The following MYO18B variants were observed in gnomAD, a reference collection of about 807,000 sequenced individuals.
The protein encoded by MYO18B is unconventional myosin-XVIIIb.
In MYO18B, 204 loss-of-function variants were observed where a neutral mutation model predicts 273.0. That is an observed-to-expected ratio of 0.75 (90% CI 0.67 to 0.84). The LOEUF (loss-of-function observed/expected upper bound fraction) is 0.84, where lower values mean the gene tolerates loss of function less well. Among genes scored for constraint, MYO18B ranks in the 40% least tolerant of loss-of-function variants. The pLI is 0.00. For synonymous variants in MYO18B, 1,330 were observed against 1,305.7 expected, an observed-to-expected ratio of 1.02 and a Z score of -0.40; for missense variants, 3,212 against 3,287.6, an observed-to-expected ratio of 0.98 and a Z score of 0.56.
chr22:26,054,603 T>C, the MYO18B span, among the ~76,000 whole-genome samples: 1 of 152,208 alleles, frequency 6.6e-6, no homozygotes, highest in South Asian at 2.1e-4. Flanking sequence ...AAGGACACTG[T>C]ATGTTCCTTG....
chr22:25,770,304 G>A, intron 5 of MYO18B, 128 bp downstream of exon 5: 1 of 794,332 alleles, frequency 1.3e-6, no homozygotes, highest in South Asian at 1.8e-5. Context: ...AGTGGAGACT[G>A]TCTTTCAAAG....
chr22:25,903,018 G>GT (rs2091969358), intron 30 of MYO18B: 1 of 364,332 alleles, frequency 2.7e-6, no homozygotes, highest in Non-Finnish European at 5.1e-6. Flanking sequence ...CAGAGAATGA[G>GT]TTAGCTATAA....
Position 25,903,703 on chromosome 22 carries a change from G to C in MYO18B, c.5020G>C (p.Gly1674Arg), listed in dbSNP as rs757287380. The change falls in exon 31 of 44, where the codon GGG becomes CGG. Residue 1674 changes from glycine (G) to arginine (R), a missense_variant. By Grantham distance (125) the Gly-to-Arg change is moderately radical. Coordinates refer to ENST00000335473, the MANE Select transcript of MYO18B (RefSeq NM_032608.7). ...MLQDHKRELL[G>R]SPSLGENCVA... ...ACAGGACCATAAACGGGAGCTGCTG[G>C]GGTCACCCTCTCTGGGGGAAAATTG... 1.2e-6 allele frequency: 2 copies of C among 1,609,442 alleles called. No homozygotes were observed. Among genetic ancestry groups the C allele is most frequent in the African/African-American group, 2.7e-5 (2 of 74,842 alleles).
At chr22:25,885,861 G>T (rs1296851379) in intron 25 of MYO18B, among the ~76,000 whole-genome samples, 1 of 152,174 alleles carries the variant, frequency 6.6e-6, no homozygotes, top group African/African-American at 2.4e-5. Context: ...AGTGGGTGGT[G>T]TGTCACCCTC....
chr22:25,952,566 C>T (rs1025592908), intron 38 of MYO18B, 143 bp downstream of exon 38: 5 of 1,119,186 alleles, frequency 4.5e-6, no homozygotes, highest in Non-Finnish European at 6.3e-6. Flanking sequence ...CACCCAAGCT[C>T]CCTCCCTCCT....
chr22:25,903,707 C>T lies in MYO18B; in HGVS notation c.5024C>T (p.Ser1675Leu), dbSNP rs1445932312. The T allele has an allele frequency of 1.2e-6, 2 of 1,609,120 alleles. No individual in the cohort carries two copies. Among genetic ancestry groups the T allele is most frequent in the African/African-American group, 1.3e-5 (1 of 74,958 alleles). The change falls in exon 31 of 44, where the codon TCA becomes TTA. Residue 1675 changes from serine to leucine, a missense_variant. Coordinates refer to ENST00000335473, the MANE Select transcript of MYO18B (RefSeq NM_032608.7). ...LQDHKRELLGSPSLGENCVAG... is the reference protein window; with the variant it reads ...LQDHKRELLGLPSLGENCVAG... ...GACCATAAACGGGAGCTGCTGGGGT[C>T]ACCCTCTCTGGGGGAAAATTGCGTT... is the stretch of plus-strand genomic sequence containing the variant.
At chr22:26,017,030 TTCCTTCCTTCC>T in intron 42 of MYO18B, among the ~76,000 whole-genome samples, 1 of 18,858 alleles carries the variant, frequency 5.3e-5, no homozygotes, top group Admixed American at 5.4e-4. Flanking sequence ...GCTAATTTCC[TTCCTTCCTTCC>T]TTCCTTCCTT....
chr22:25,832,241 A>G (rs929266708), intron 15 of MYO18B, among the ~76,000 whole-genome samples: 2 of 152,218 alleles, frequency 1.3e-5, no homozygotes, highest in African/African-American at 4.8e-5. Flanking sequence ...TGATTCAGCA[A>G]TTCCATGTCT....
At chr22:25,855,835 T>TC (rs1363308469) in intron 21 of MYO18B, among the ~76,000 whole-genome samples, 1 of 152,096 alleles carries the variant, frequency 6.6e-6, no homozygotes, top group Non-Finnish European at 1.5e-5. Flanking sequence ...CTTTTTTTTT[T>TC]TTTTGAACTC....
chr22:25,916,128 TA>T (rs530527823), intron 33 of MYO18B, among the ~76,000 whole-genome samples: 1 of 152,182 alleles, frequency 6.6e-6, no homozygotes, highest in Non-Finnish European at 1.5e-5. Context: ...TAGGTTGACA[TA>T]AAAAATATTC....
chr22:25,820,365 A>G (rs900211126), intron 12 of MYO18B, among the ~76,000 whole-genome samples: 1 of 151,974 alleles, frequency 6.6e-6, no homozygotes, highest in Non-Finnish European at 1.5e-5. Context: ...TCCTTTTCCA[A>G]ATTTCTAGTT....
chr22:25,971,003 T>C (rs2093031203), intron 39 of MYO18B, among the ~76,000 whole-genome samples: 1 of 152,246 alleles, frequency 6.6e-6, no homozygotes, highest in Non-Finnish European at 1.5e-5. Flanking sequence ...AGGTAGCAAC[T>C]GGATGCTCTG....
At chr22:26,056,669 C>T in the MYO18B span, among the ~76,000 whole-genome samples, 9 of 152,304 alleles carry the variant, frequency 5.9e-5, no homozygotes, top group African/African-American at 1.7e-4. Flanking sequence ...CTCAGCTCTT[C>T]GTTCCCTGCA....
intron 11 of MYO18B, among the ~76,000 whole-genome samples, chr22:25,787,290 A>T (rs1282241770): frequency 1.2e-5 from 1 of 80,576 alleles, no homozygotes; most frequent in Non-Finnish European, 2.9e-5. Context: ...ACACACACAC[A>T]CACACACACA....
At chr22:25,770,757 TC>T in intron 5 of MYO18B, 114 bp from the exon 6 acceptor site, 1 of 716,042 alleles carries the variant, frequency 1.4e-6, no homozygotes, top group Non-Finnish European at 2.4e-6. Context: ...CCAAGCCTTC[TC>T]CCAAGCTTGC....
At chr22:25,836,964 A>AAATAATAATAATAAT (rs71191082) in intron 17 of MYO18B, among the ~76,000 whole-genome samples, 17 of 142,156 alleles carry the variant, frequency 1.2e-4, no homozygotes, top group Non-Finnish European at 7.6e-5. Flanking sequence ...TTCCATCTCA[A>AAATAATAATAATAAT]AATAATAATA....
chr22:25,843,046 G>C (rs1327018912), intron 17 of MYO18B, among the ~76,000 whole-genome samples: 1 of 152,132 alleles, frequency 6.6e-6, no homozygotes, highest in Non-Finnish European at 1.5e-5. Context: ...CACTCTGGGA[G>C]GTATGCTTTA....
chr22:25,898,260 C>T (rs755694291), intron 28 of MYO18B, 47 bp from the exon 29 acceptor site: 15 of 1,575,792 alleles, frequency 9.5e-6, no homozygotes, highest in African/African-American at 4.1e-5. Flanking sequence ...GTAAAAAGCT[C>T]GTTCCATGCC....
chr22:25,908,873 T>C (rs966208263), intron 32 of MYO18B, among the ~76,000 whole-genome samples: 1 of 152,252 alleles, frequency 6.6e-6, no homozygotes, highest in African/African-American at 2.4e-5. Flanking sequence ...CCATCATTAT[T>C]ACTATTTTAA....
Sources: allele counts gnomAD v4.1 joint callset (sites outside exome capture counted in the v4.1 genomes callset), GRCh38; gene constraint gnomAD v4.1.1; transcripts MANE v1.5; gene names NCBI Gene and HGNC (gene_info 2026-07-23, HGNC 2026-07-21).